Variants in PCDH15 observed in about 807,000 individuals in gnomAD.
PCDH15 encodes the protein protocadherin related 15, also known as protocadherin-15.
Under a neutral mutation model 178.5 loss-of-function variants are expected in PCDH15, and 129 were observed. That is an observed-to-expected ratio of 0.72 (90% confidence interval 0.63 to 0.84). The LOEUF is 0.84. PCDH15 is among the 40% of genes least tolerant of loss of function. The pLI is 0.00. For missense variants in PCDH15, 2,230 were observed against 2,099.9 expected (o/e 1.06, Z -1.21); for synonymous variants, 800 against 732.0 (o/e 1.09, Z -1.50).
intron 3 of PCDH15, among the ~76,000 whole-genome samples, chr10:54,820,897 C>T (rs900806443): frequency 6.6e-6 from 1 of 151,876 alleles, no homozygotes. Context: ...TTTTATGACC[C>T]TCAAAGAACT....
intron 1 of PCDH15, among the ~76,000 whole-genome samples, chr10:55,210,599 TTTTTTTC>T (rs1564895302): frequency 2.7e-5 from 4 of 148,918 alleles, no homozygotes; most frequent in Admixed American, 6.8e-5. Flanking sequence ...TCTCACGATT[TTTTTTTC>T]TTTTTTCTTT....
intron 1 of PCDH15, among the ~76,000 whole-genome samples, chr10:55,316,183 A>G (rs549408619): frequency 2.6e-5 from 4 of 152,292 alleles, no homozygotes; most frequent in Admixed American, 2.6e-4. Flanking sequence ...ACACCAATAC[A>G]TATGCTACTG....
At chr10:54,375,921 G>C (rs949241666) in intron 4 of PCDH15, among the ~76,000 whole-genome samples, 1 of 148,466 alleles carries the variant, frequency 6.7e-6, no homozygotes, top group Non-Finnish European at 1.5e-5. Flanking sequence ...TTGAGACGGA[G>C]TCACACTCTG....
At position 54,152,954 on chromosome 10, in the gene PCDH15, G is replaced by A. The variant is rs1017394550; in HGVS notation, c.1784+146C>T. 5.3e-6 allele frequency: 5 copies of A among 950,652 alleles called. No homozygotes were observed. The Admixed American group carries it at 6.3e-5, about 12-fold the overall frequency. 58.9% of individuals were successfully genotyped at this position (950,652 alleles called of 1,614,324 possible). A position where few individuals can be genotyped will look rare whatever the true frequency, so the allele number is the denominator to read the frequency against. ...AATTTAACCAAATCAGAATATGCAT[G>A]CAGTTCCTGAGAATCTGGTCTCTCT... On this transcript the variant is annotated intron_variant, in intron 14 of 37. Coordinates refer to ENST00000644397, the MANE Select transcript of PCDH15 (RefSeq NM_001384140.1).
chr10:54,106,609 A>G (rs1487447365), intron 15 of PCDH15, among the ~76,000 whole-genome samples: 1 of 152,254 alleles, frequency 6.6e-6, no homozygotes, highest in Non-Finnish European at 1.5e-5. Context: ...CCACAAAAGT[A>G]TAACGAGCAT....
chr10:54,532,257 T>G (rs1930148), intron 2 of PCDH15, among the ~76,000 whole-genome samples: 9,780 of 152,290 alleles, frequency 0.064, 331 homozygotes, highest in East Asian at 0.084. Flanking sequence ...ATTTTGGCCA[T>G]CTACAACTCA....
intron 2 of PCDH15, among the ~76,000 whole-genome samples, chr10:55,074,570 GT>G (rs1006559299): frequency 5.9e-5 from 9 of 151,810 alleles, no homozygotes; most frequent in East Asian, 5.8e-4. Context: ...GTTTATGGGG[GT>G]TTTTTTGTAA....
chr10:54,487,764 T>G (rs1258133684), intron 3 of PCDH15, among the ~76,000 whole-genome samples: 1 of 152,014 alleles, frequency 6.6e-6, no homozygotes, highest in Non-Finnish European at 1.5e-5. Context: ...AGTCAAAAGT[T>G]GTTAGAAGTT....
chr10:55,196,844 A>T (rs1188547210), intron 1 of PCDH15, among the ~76,000 whole-genome samples: 1 of 151,994 alleles, frequency 6.6e-6, no homozygotes, highest in Non-Finnish European at 1.5e-5. Context: ...GCTTTTGTAG[A>T]ATAATTGTGA....
chr10:54,866,820 T>C (rs1953951923), intron 3 of PCDH15, among the ~76,000 whole-genome samples: 1 of 152,124 alleles, frequency 6.6e-6, no homozygotes, highest in Non-Finnish European at 1.5e-5. Flanking sequence ...TTGGCATCTG[T>C]AACAGATATC....
chr10:54,174,144 T>C (rs1283283872), intron 13 of PCDH15, among the ~76,000 whole-genome samples: 1 of 152,148 alleles, frequency 6.6e-6, no homozygotes, highest in Non-Finnish European at 1.5e-5. Context: ...TATAGCCCAC[T>C]GGCTAATGAA....
intron 5 of PCDH15, among the ~76,000 whole-genome samples, chr10:54,351,460 G>A (rs1456657726): frequency 6.6e-6 from 1 of 152,028 alleles, no homozygotes; most frequent in African/African-American, 2.4e-5. Flanking sequence ...ATATTTCATA[G>A]CATCAATTGT....
intron 3 of PCDH15, among the ~76,000 whole-genome samples, chr10:54,462,424 G>A (rs2077222634): frequency 6.6e-6 from 1 of 150,792 alleles, no homozygotes; most frequent in African/African-American, 2.4e-5. Context: ...AAGTCATTTG[G>A]AAAATTCCTT....
intron 27 of PCDH15, among the ~76,000 whole-genome samples, chr10:53,865,342 T>C (rs568737825): frequency 3.3e-5 from 5 of 152,270 alleles, no homozygotes; most frequent in Admixed American, 6.5e-5. Context: ...GAGGTTCTCA[T>C]GAGAGAACAC....
At chr10:53,982,418 C>G (rs942016845) in intron 21 of PCDH15, among the ~76,000 whole-genome samples, 1 of 152,052 alleles carries the variant, frequency 6.6e-6, no homozygotes, top group East Asian at 1.9e-4. Context: ...TTGGAACCAA[C>G]CCAAATGTCC....
chr10:54,708,233 G>C (rs1041729206), intron 1 of PCDH15, among the ~76,000 whole-genome samples: 1 of 152,076 alleles, frequency 6.6e-6, no homozygotes, highest in African/African-American at 2.4e-5. Flanking sequence ...AAATAGAAGT[G>C]GAATAAGGCC....
At chr10:54,779,387 T>TCC (rs1221501950) in intron 1 of PCDH15, among the ~76,000 whole-genome samples, 2 of 102,888 alleles carry the variant, frequency 1.9e-5, no homozygotes, top group Admixed American at 1.1e-4. Context: ...TATCTGTCTC[T>TCC]CTCTCTCTAT....
intron 3 of PCDH15, among the ~76,000 whole-genome samples, chr10:54,518,905 A>G (rs2082526568): frequency 6.6e-6 from 1 of 152,224 alleles, no homozygotes; most frequent in African/African-American, 2.4e-5. Flanking sequence ...GGCTGGTTCA[A>G]TATATGCAAA....
intron 26 of PCDH15, among the ~76,000 whole-genome samples, chr10:53,872,074 G>T (rs1217284066): frequency 6.6e-6 from 1 of 152,042 alleles, no homozygotes. Context: ...ATGAACTTTT[G>T]TACAGTACAC....
Sources: gnomAD v4.1 joint callset for allele counts (sites outside exome capture counted in the v4.1 genomes callset) on GRCh38, gnomAD v4.1.1 for gene constraint, MANE v1.5 for transcripts, NCBI Gene and HGNC (gene_info 2026-07-23, HGNC 2026-07-21) for gene names.